FHIT: variants seen among roughly 807,000 people sequenced by gnomAD.
The protein encoded by FHIT is fragile histidine triad diadenosine triphosphatase.
In FHIT, 19 loss-of-function variants were observed where a neutral mutation model predicts 17.9. That is an observed-to-expected ratio of 1.06 (90% CI 0.74 to 1.56). The LOEUF is 1.56. Ranked by LOEUF, FHIT falls within the 40% of genes most tolerant of loss-of-function variation. FHIT has a pLI of 0.00. For missense variants in FHIT, 248 were observed against 189.2 expected (o/e 1.31, Z -1.82); for synonymous variants, 81 against 69.7 (o/e 1.16, Z -0.81).
intron 5 of FHIT, among the ~76,000 whole-genome samples, chr3:60,452,358 G>C (rs980742349): frequency 3.3e-5 from 5 of 152,156 alleles, no homozygotes; most frequent in African/African-American, 1.2e-4. Flanking sequence ...CCATTTGACA[G>C]ATGTGAAAGG....
intron 4 of FHIT, among the ~76,000 whole-genome samples, chr3:60,551,027 A>G (rs182440666): frequency 6.6e-6 from 1 of 152,294 alleles, no homozygotes; most frequent in East Asian, 1.9e-4. Context: ...GAGTTGAATG[A>G]TAAGAAGTCC....
intron 3 of FHIT, among the ~76,000 whole-genome samples, chr3:60,897,618 G>A (rs1263863999): frequency 6.6e-6 from 1 of 152,098 alleles, no homozygotes; most frequent in Non-Finnish European, 1.5e-5. Context: ...CTATACATGG[G>A]AATGTATGTA....
At chr3:60,747,304 G>A (rs2042378844) in intron 4 of FHIT, among the ~76,000 whole-genome samples, 1 of 151,976 alleles carries the variant, frequency 6.6e-6, no homozygotes, top group Non-Finnish European at 1.5e-5. Flanking sequence ...TGAATTCTGA[G>A]CTGAGTCAGG....
At chr3:60,558,671 C>G (rs375424389) in intron 4 of FHIT, among the ~76,000 whole-genome samples, 47 of 152,186 alleles carry the variant, frequency 3.1e-4, no homozygotes, top group African/African-American at 1.0e-3. Flanking sequence ...TCTTCTATAC[C>G]AGGAAGGGCC....
chr3:61,074,144 A>G (rs2034897066), intron 2 of FHIT, among the ~76,000 whole-genome samples: 1 of 152,180 alleles, frequency 6.6e-6, no homozygotes, highest in Non-Finnish European at 1.5e-5. Context: ...CAAGAGGAAG[A>G]ACACAAAAAA....
chr3:60,416,868 C>T (rs775729218), intron 5 of FHIT, among the ~76,000 whole-genome samples: 8 of 152,094 alleles, frequency 5.3e-5, no homozygotes, highest in South Asian at 2.1e-4. Flanking sequence ...GGGAGGATCA[C>T]GAGGTCAGGA....
intron 3 of FHIT, among the ~76,000 whole-genome samples, chr3:60,980,684 C>T (rs1710456483): frequency 6.6e-6 from 1 of 152,122 alleles, no homozygotes; most frequent in Non-Finnish European, 1.5e-5. Context: ...GCTTTTCTTT[C>T]TCTAGGTGAA....
intron 7 of FHIT, among the ~76,000 whole-genome samples, chr3:59,933,395 T>C (rs1219457006): frequency 6.6e-6 from 1 of 152,168 alleles, no homozygotes; most frequent in African/African-American, 2.4e-5. Flanking sequence ...CATAAGAATA[T>C]TATATGTTGG....
chr3:61,203,321 C>T (rs1355517211), intron 1 of FHIT, among the ~76,000 whole-genome samples: 1 of 151,534 alleles, frequency 6.6e-6, no homozygotes, highest in Non-Finnish European at 1.5e-5. Flanking sequence ...TGCACTCCAG[C>T]CTGGGCAACA....
intron 7 of FHIT, among the ~76,000 whole-genome samples, chr3:59,957,549 G>C (rs997102775): frequency 6.6e-6 from 1 of 152,222 alleles, no homozygotes; most frequent in Admixed American, 6.5e-5. Flanking sequence ...CCAGTGCTCA[G>C]CACAAGGTAA....
chr3:61,048,968 C>A (rs1359538389), intron 2 of FHIT, among the ~76,000 whole-genome samples: 3 of 151,808 alleles, frequency 2.0e-5, no homozygotes, highest in Non-Finnish European at 4.4e-5. Context: ...CACACCAGGG[C>A]CTGTTGTGGG....
rs441395 is a variant in FHIT at position 60,470,844 on chromosome 3, G to C, written c.103+66016C>G. On this transcript the variant is annotated intron_variant, in intron 5 of 9. Transcript: ENST00000492590. The stretch of plus-strand genomic sequence containing the variant: ...TCACAACTGAAGCCAGCAGGGCTCT[G>C]AGTCTCACTCAAGGCCTGCAGCAAG... 2.0e-5 allele frequency among the ~76,000 whole-genome samples: 3 copies of C among 152,172 alleles called. No homozygotes were observed. In the South Asian group the frequency reaches 6.2e-4, roughly 32 times the overall value.
At chr3:61,064,694 G>A (rs1421224878) in intron 2 of FHIT, among the ~76,000 whole-genome samples, 1 of 152,054 alleles carries the variant, frequency 6.6e-6, no homozygotes, top group Non-Finnish European at 1.5e-5. Context: ...CCCACACGCT[G>A]CTTCAAAAAT....
chr3:60,041,586 C>T (rs1416196866), intron 5 of FHIT, among the ~76,000 whole-genome samples: 3 of 152,168 alleles, frequency 2.0e-5, no homozygotes, highest in Admixed American at 2.0e-4. Flanking sequence ...TTAATGGCGG[C>T]ATCTCAATTA....
chr3:60,626,119 G>C (rs1258069982), intron 4 of FHIT, among the ~76,000 whole-genome samples: 1 of 152,048 alleles, frequency 6.6e-6, no homozygotes, highest in East Asian at 1.9e-4. Context: ...ACACTCTCTT[G>C]ATCACTGTAG....
chr3:61,216,616 C>T (rs1183011228), intron 1 of FHIT, among the ~76,000 whole-genome samples: 1 of 152,170 alleles, frequency 6.6e-6, no homozygotes, highest in African/African-American at 2.4e-5. Context: ...ACTAGAAATA[C>T]CATTTGACCC....
chr3:59,935,095 A>T (rs750792359), intron 7 of FHIT, among the ~76,000 whole-genome samples: 3 of 152,136 alleles, frequency 2.0e-5, no homozygotes, highest in Non-Finnish European at 4.4e-5. Flanking sequence ...TCCAAGATAG[A>T]GTCTTCCTGT....
At chr3:61,090,156 T>A in intron 2 of FHIT, among the ~76,000 whole-genome samples, 1 of 152,212 alleles carries the variant, frequency 6.6e-6, no homozygotes, top group East Asian at 1.9e-4. Flanking sequence ...TGAATGATAG[T>A]TTTCTTCATT....
chr3:61,184,117 A>G (rs1399231793), intron 2 of FHIT, among the ~76,000 whole-genome samples: 2 of 152,124 alleles, frequency 1.3e-5, no homozygotes, highest in Non-Finnish European at 1.5e-5. Flanking sequence ...CAGACAGAGA[A>G]TATTCCCCCA....
Sources: allele counts gnomAD v4.1 joint callset (sites outside exome capture counted in the v4.1 genomes callset), GRCh38; gene constraint gnomAD v4.1.1; transcripts MANE v1.5; gene names NCBI Gene and HGNC (gene_info 2026-07-23, HGNC 2026-07-21).